The following SVIL variants were observed in gnomAD, a reference collection of about 807,000 sequenced individuals.
SVIL encodes supervillin.
A neutral mutation model predicts 240.4 loss-of-function variants in SVIL; 101 were observed. The ratio of observed to expected loss-of-function variants is 0.42; its 90% confidence interval spans 0.36 to 0.50. The LOEUF is 0.50. Among genes scored for constraint, SVIL ranks in the 20% least tolerant of loss-of-function variants. SVIL has a pLI of 0.01. For synonymous variants in SVIL, 999 were observed against 1,100.0 expected, an observed-to-expected ratio of 0.91 and a Z score of 1.82; for missense variants, 2,512 against 2,818.7, an observed-to-expected ratio of 0.89 and a Z score of 2.46.
intron 12 of SVIL, among the ~76,000 whole-genome samples, chr10:29,527,724 C>CTTT (rs1213694531): frequency 3.1e-4 from 31 of 99,906 alleles, no homozygotes; most frequent in Non-Finnish European, 4.5e-4. Flanking sequence ...TGGGCCCAGC[C>CTTT]TTTTTTTTTT....
At chr10:29,650,420 G>A (rs1423879140) in intron 3 of SVIL, among the ~76,000 whole-genome samples, 1 of 152,102 alleles carries the variant, frequency 6.6e-6, no homozygotes, top group African/African-American at 2.4e-5. Context: ...TTGCCTTTCA[G>A]TTCACTCCAG....
chr10:29,516,016 C>T (rs916190604), intron 16 of SVIL, among the ~76,000 whole-genome samples: 2 of 152,208 alleles, frequency 1.3e-5, no homozygotes, highest in African/African-American at 4.8e-5. Context: ...ACTGAGGTCA[C>T]ACTGGATGTT....
At chr10:29,486,812 A>G (rs1947447754) in intron 24 of SVIL, among the ~76,000 whole-genome samples, 2 of 152,162 alleles carry the variant, frequency 1.3e-5, no homozygotes, top group Non-Finnish European at 1.5e-5. Flanking sequence ...AAAAAACACT[A>G]TTCTTTGGGC....
rs961280225 is a variant in SVIL, at chr10:29,735,430, C to A, written c.-400+321G>T. Among the ~76,000 whole-genome samples the A allele has an allele frequency of 6.6e-6, 1 of 152,006 alleles. No individual in the cohort carries two copies. The highest frequency in any genetic ancestry group is 1.5e-5 in the Non-Finnish European group (1 of 67,980). Reference sequence around the variant, plus strand: ...CTTCCCGAAACTCCGCGGAGAGAAACCCTGCCCCGGCCCGCTCCTCCCCGA... The same window carrying A: ...CTTCCCGAAACTCCGCGGAGAGAAAACCTGCCCCGGCCCGCTCCTCCCCGA... On this transcript the variant is annotated intron_variant, in intron 1 of 35. Coordinates refer to the SVIL transcript ENST00000375400. This position sits in a 1 kb window ranked among gnomAD's most constrained non-coding sequence, Gnocchi z 4.1.
Position 29,582,731 on chromosome 10 carries a change from CTAATAATAATAATAA to C in SVIL, c.-200-13434_-200-13420del, listed in dbSNP as rs61441935. On this transcript the variant is annotated intron_variant, in intron 1 of 37. Coordinates refer to ENST00000355867, the MANE Select transcript of SVIL (RefSeq NM_021738.3). The stretch of plus-strand genomic sequence containing the variant: ...TGGGTGACAGAGTGAGACCCTGTCT[CTAATAATAATAATAA>C]TAATAATAATAATAATAATAATAGT... 1.8e-3 allele frequency among the ~76,000 whole-genome samples: 259 copies of C among 142,804 alleles called. 1 individual carries two copies. The highest frequency in any genetic ancestry group is 4.5e-3 in the Admixed American group (64 of 14,170). 93.7% of individuals were successfully genotyped at this position (142,804 alleles called of 152,430 possible). A position where few individuals can be genotyped will look rare whatever the true frequency, so the allele number is the denominator to read the frequency against.
chr10:29,572,963 G>T (rs1375154634), intron 1 of SVIL, among the ~76,000 whole-genome samples: 2 of 151,952 alleles, frequency 1.3e-5, no homozygotes, highest in African/African-American at 4.8e-5. Context: ...TTATCTAAAA[G>T]AATCTAAATG....
chr10:29,565,032 A>G (rs1954851618), intron 2 of SVIL, among the ~76,000 whole-genome samples: 1 of 152,212 alleles, frequency 6.6e-6, no homozygotes, highest in Admixed American at 6.5e-5. Flanking sequence ...ACAAAGCTCT[A>G]TACTTTCTTT....
chr10:29,575,468 T>C (rs1307456075), intron 1 of SVIL: 2 of 183,506 alleles, frequency 1.1e-5, no homozygotes, highest in African/African-American at 4.7e-5. Context: ...GGCAATGAAA[T>C]ATTTCTGTGA....
chr10:29,545,870 A>G, intron 6 of SVIL, among the ~76,000 whole-genome samples: 1 of 144,520 alleles, frequency 6.9e-6, no homozygotes, highest in Non-Finnish European at 1.6e-5. Context: ...AAAAAAAAAA[A>G]AAAAAAAAAG....
At chr10:29,554,712 T>G in intron 5 of SVIL, 71 bp downstream of exon 5, 1 of 1,440,896 alleles carries the variant, frequency 6.9e-7, no homozygotes, top group South Asian at 1.6e-5. Context: ...CTGATACCAC[T>G]GGGTGGAAAG....
chr10:29,643,148 A>G (rs1427483180), intron 3 of SVIL, among the ~76,000 whole-genome samples: 1 of 152,216 alleles, frequency 6.6e-6, no homozygotes. Flanking sequence ...GTTTCTGTGT[A>G]GTGGCCTCAC....
chr10:29,597,659 C>G (rs905661390), intron 1 of SVIL, among the ~76,000 whole-genome samples: 22 of 152,262 alleles, frequency 1.4e-4, no homozygotes, highest in Admixed American at 1.2e-3. Flanking sequence ...CGCGGCCTCC[C>G]AAAGTGCTGG....
At chr10:29,633,379 G>C (rs1208058082) in intron 1 of SVIL, among the ~76,000 whole-genome samples, 1 of 152,120 alleles carries the variant, frequency 6.6e-6, no homozygotes, top group Non-Finnish European at 1.5e-5. Flanking sequence ...GATACCACCA[G>C]CAGTTTGGCC....
chr10:29,505,364 T>TA (rs1206382387), intron 17 of SVIL, among the ~76,000 whole-genome samples: 3 of 151,644 alleles, frequency 2.0e-5, no homozygotes, highest in African/African-American at 7.3e-5. Flanking sequence ...TAAAAATAAA[T>TA]AAAATTTTAA....
At chr10:29,542,431 G>A (rs569776228) in intron 6 of SVIL, among the ~76,000 whole-genome samples, 1 of 152,062 alleles carries the variant, frequency 6.6e-6, no homozygotes, top group East Asian at 1.9e-4. Context: ...AATTCACAGT[G>A]CCGTGTCTGG....
intron 1 of SVIL, among the ~76,000 whole-genome samples, chr10:29,610,462 T>C (rs1289222888): frequency 2.0e-5 from 3 of 151,492 alleles, no homozygotes; most frequent in African/African-American, 7.3e-5. Flanking sequence ...TTTTTTTTTT[T>C]TTTTTGAGAC....
At chr10:29,670,711 A>T (rs1959701905) in intron 2 of SVIL, among the ~76,000 whole-genome samples, 1 of 152,224 alleles carries the variant, frequency 6.6e-6, no homozygotes, top group South Asian at 2.1e-4. Context: ...AAACAACAAG[A>T]GAATGTAAAA....
intron 20 of SVIL, among the ~76,000 whole-genome samples, chr10:29,494,567 T>A (rs557951604): frequency 5.3e-5 from 8 of 152,262 alleles, no homozygotes; most frequent in Admixed American, 2.0e-4. Context: ...TTTGTGATTA[T>A]ATGAAATAAT....
At chr10:29,684,382 A>G (rs1960896319) in intron 2 of SVIL, among the ~76,000 whole-genome samples, 1 of 152,194 alleles carries the variant, frequency 6.6e-6, no homozygotes, top group South Asian at 2.1e-4. Context: ...ACAGAGACAG[A>G]AGACATTAAT....
Sources: allele counts gnomAD v4.1 joint callset (sites outside exome capture counted in the v4.1 genomes callset), GRCh38; gene constraint gnomAD v4.1.1; non-coding constraint Gnocchi (gnomAD v3.1); transcripts MANE v1.5; gene names NCBI Gene and HGNC (gene_info 2026-07-23, HGNC 2026-07-21).